Variants in LRCH1 observed in about 807,000 individuals in gnomAD.
The protein encoded by LRCH1 is leucine rich repeats and calponin homology domain containing 1, also known as leucine-rich repeat and calponin homology domain-containing protein 1.
Under a neutral mutation model 94.9 loss-of-function variants are expected in LRCH1, and 23 were observed. The ratio of observed to expected loss-of-function variants is 0.24; its 90% CI spans 0.17 to 0.34. The LOEUF (loss-of-function observed/expected upper bound fraction) is 0.34. Among genes scored for constraint, LRCH1 ranks in the 10% least tolerant of loss-of-function variants. LRCH1 has a pLI of 1.00. For missense variants in LRCH1, 790 were observed against 945.9 expected (o/e 0.84, Z 2.16); for synonymous variants, 364 against 354.9 (o/e 1.03, Z -0.29).
chr13:46,661,245 C>T (rs1473742852), intron 2 of LRCH1, among the ~76,000 whole-genome samples: 1 of 152,156 alleles, frequency 6.6e-6, no homozygotes, highest in Non-Finnish European at 1.5e-5. Context: ...CAGAGGCACT[C>T]ACTAGCCAGG....
Position 46,689,121 on chromosome 13 carries a change from C to A in LRCH1, c.951-12C>A. ...TTTTAAATGAATTCAATATTGATGG[C>A]ATCTATCTCAGCAAGAAGGATTCTG... On this transcript the variant is annotated splice_polypyrimidine_tract_variant and intron_variant, in intron 6 of 19. Coordinates refer to ENST00000389797, the MANE Select transcript of LRCH1 (RefSeq NM_001164211.2). The A allele has an allele frequency of 6.3e-7, 1 of 1,596,172 alleles. No homozygotes were observed. The highest frequency in any genetic ancestry group is 8.6e-7 in the Non-Finnish European group (1 of 1,166,710).
intron 1 of LRCH1, among the ~76,000 whole-genome samples, chr13:46,647,127 AAAG>A (rs2051232048): frequency 6.6e-6 from 1 of 152,006 alleles, no homozygotes; most frequent in Admixed American, 6.6e-5. Flanking sequence ...AAAAAAAAAA[AAAG>A]AAACCATGCT....
intron 2 of LRCH1, among the ~76,000 whole-genome samples, chr13:46,663,261 C>T (rs1199606129): frequency 6.6e-6 from 1 of 152,108 alleles, no homozygotes; most frequent in African/African-American, 2.4e-5. Context: ...TAAAGATAGT[C>T]TCTATTTGAT....
intron 5 of LRCH1, 58 bp from the exon 6 acceptor site, chr13:46,687,794 A>G: frequency 7.0e-7 from 1 of 1,438,540 alleles, no homozygotes; most frequent in Non-Finnish European, 9.7e-7. Context: ...AGGATTTGAT[A>G]CTTACATTTT....
At chr13:46,593,283 C>CTTTTTTT (rs34821427) in intron 1 of LRCH1, among the ~76,000 whole-genome samples, 3 of 92,196 alleles carry the variant, frequency 3.3e-5, no homozygotes, top group Non-Finnish European at 4.2e-5. Context: ...TCTTTCTTTC[C>CTTTTTTT]TTTTTTTTTT....
chr13:46,671,260 A>T (rs934437149), intron 3 of LRCH1, among the ~76,000 whole-genome samples: 1 of 152,196 alleles, frequency 6.6e-6, no homozygotes, highest in East Asian at 1.9e-4. Flanking sequence ...TCCAAGCCTG[A>T]GTTAGGTGCT....
In LRCH1 at chr13:46,743,543, T is replaced by C; in HGVS notation, c.*1695T>C. ...CACAATAAAATCCCTTTGTACGATG[T>C]CTAATGAGCACCCTGAGCCATAAAT... On this transcript the variant is annotated 3_prime_UTR_variant, in exon 20 of 20. Coordinates refer to ENST00000389797, the MANE Select transcript of LRCH1 (RefSeq NM_001164211.2). 1.0e-6 allele frequency: 1 copy of C among 985,890 alleles called. No homozygotes were observed. Among genetic ancestry groups the C allele is most frequent in the Non-Finnish European group, 1.2e-6 (1 of 829,936 alleles). The allele number at this position is 985,890 out of a possible 1,614,324, so 61.1% of individuals were successfully genotyped here.
chr13:46,654,774 T>G (rs1051767575), intron 2 of LRCH1, among the ~76,000 whole-genome samples: 2 of 152,200 alleles, frequency 1.3e-5, no homozygotes, highest in African/African-American at 4.8e-5. Context: ...ATATCTGATT[T>G]TATAAACAAG....
intron 1 of LRCH1, among the ~76,000 whole-genome samples, chr13:46,582,549 A>G (rs2050382385): frequency 6.7e-6 from 1 of 149,548 alleles, no homozygotes; most frequent in African/African-American, 2.5e-5. Flanking sequence ...CAGTGACACA[A>G]TCTTAGCTCA....
intron 19 of LRCH1, among the ~76,000 whole-genome samples, chr13:46,739,684 C>T (rs571054040): frequency 6.6e-6 from 1 of 152,304 alleles, no homozygotes; most frequent in African/African-American, 2.4e-5. Flanking sequence ...ACACAATCAT[C>T]ATGGTGCTTC....
chr13:46,681,960 G>GTGTGTGTGTGTGTGTA, intron 4 of LRCH1, 114 bp downstream of exon 4: 1 of 645,924 alleles, frequency 1.5e-6, no homozygotes, highest in South Asian at 1.9e-5. Context: ...GTGTGTGTGT[G>GTGTGTGTGTGTGTGTA]TGTGTGCCTA....
rs139060087 is a variant in LRCH1 at position 46,557,342 on chromosome 13, T to C, written c.307+3639T>C. Among the ~76,000 whole-genome samples the C allele has an allele frequency of 4.2e-3, 638 of 151,656 alleles. 5 individuals carry two copies. The highest frequency in any genetic ancestry group is 0.014 in the African/African-American group (576 of 41,494). On this transcript the variant is annotated intron_variant, in intron 1 of 19. Transcript: ENST00000389797. ...CCCTTAGACTTGGCATGCAGGACAC[T>C]TGTTGAAAGTCTTGTTAAGGAAAGT... is the stretch of plus-strand genomic sequence containing the variant.
intron 1 of LRCH1, among the ~76,000 whole-genome samples, chr13:46,649,988 T>G (rs1381910616): frequency 6.6e-6 from 1 of 152,198 alleles, no homozygotes; most frequent in Non-Finnish European, 1.5e-5. Flanking sequence ...TTTAGTGGTA[T>G]TTTTGCTTTT....
chr13:46,743,194 T>A lies in LRCH1; in HGVS notation c.*1346T>A. The A allele has an allele frequency of 4.1e-6, 4 of 985,818 alleles. No homozygotes were observed. The South Asian group carries it at 1.9e-4, about 46-fold the overall frequency. The allele number at this position is 985,818 out of a possible 1,614,324, so 61.1% of individuals were successfully genotyped here. ...TAGTTTATTAAGATGCAAACAGCTC[T>A]CATAGATGGCTACTACGAAGAAAAT... On this transcript the variant is annotated 3_prime_UTR_variant, in exon 20 of 20. Transcript: ENST00000389797.
In LRCH1 at chr13:46,690,732, A is replaced by G. The variant is rs759833999; in HGVS notation, c.1014+1536A>G. On this transcript the variant is annotated intron_variant, in intron 7 of 19. Transcript: ENST00000389797. ...TGCCTTTGGCCTTTCCTTGTCTTAT[A>G]TTACAGCCTCCTTTCCTAAGTACAC... Among the ~76,000 whole-genome samples the G allele has an allele frequency of 1.1e-4, 16 of 152,354 alleles. 1 individual carries two copies. In the South Asian group the frequency reaches 1.4e-3, roughly 14 times the overall value.
intron 2 of LRCH1, among the ~76,000 whole-genome samples, chr13:46,661,283 C>T (rs2051444735): frequency 6.6e-6 from 1 of 152,178 alleles, no homozygotes; most frequent in Non-Finnish European, 1.5e-5. Context: ...TTTAAATTCT[C>T]TGAATGTCAG....
chr13:46,619,429 T>A (rs1376895024), intron 1 of LRCH1, among the ~76,000 whole-genome samples: 1 of 152,104 alleles, frequency 6.6e-6, no homozygotes, highest in Non-Finnish European at 1.5e-5. Flanking sequence ...TATTTAAAAA[T>A]TTTTCTTCTG....
chr13:46,715,986 T>C (rs1593372506), intron 16 of LRCH1, among the ~76,000 whole-genome samples: 1 of 152,082 alleles, frequency 6.6e-6, no homozygotes, highest in East Asian at 1.9e-4. Flanking sequence ...TTTGGATTTA[T>C]CTCCGCTTGT....
intron 5 of LRCH1, among the ~76,000 whole-genome samples, chr13:46,687,540 TC>T (rs1566226555): frequency 1.3e-5 from 2 of 152,264 alleles, no homozygotes; most frequent in East Asian, 3.8e-4. Flanking sequence ...AACTGGAATT[TC>T]ACCAGGCTGG....
Sources: gnomAD v4.1 joint callset for allele counts (sites outside exome capture counted in the v4.1 genomes callset) on GRCh38, gnomAD v4.1.1 for gene constraint, MANE v1.5 for transcripts, NCBI Gene and HGNC (gene_info 2026-07-23, HGNC 2026-07-21) for gene names.